Variants in ST18 observed in about 807,000 individuals in gnomAD.
ST18 encodes the protein ST18 C2H2C-type zinc finger transcription factor.
A neutral mutation model predicts 110.0 loss-of-function variants in ST18; 50 were observed. The observed-to-expected ratio is 0.45, with a 90% CI of 0.36 to 0.58. The LOEUF (loss-of-function observed/expected upper bound fraction) is 0.58. Ranked by LOEUF, ST18 falls within the 20% of genes least tolerant of loss-of-function variation. The pLI is 0.00. For missense variants in ST18, 1,306 were observed against 1,280.1 expected, an observed-to-expected ratio of 1.02 and a Z score of -0.31; for synonymous variants, 461 against 452.4, an observed-to-expected ratio of 1.02 and a Z score of -0.24.
At chr8:52,344,248 C>G (rs1009955641) in intron 2 of ST18, among the ~76,000 whole-genome samples, 1 of 6,032 alleles carries the variant, frequency 1.7e-4, no homozygotes, top group Non-Finnish European at 1.2e-3. Context: ...ATAAAAGAAG[C>G]CTTATTTTTT....
At chr8:52,403,625 A>G (rs1012949386) in intron 2 of ST18, 1 of 152,036 alleles carries the variant, frequency 6.6e-6, no homozygotes, top group African/African-American at 2.4e-5. Flanking sequence ...GCCCATACTT[A>G]GTGTTTGTGC....
intron 2 of ST18, among the ~76,000 whole-genome samples, chr8:52,267,035 G>A (rs1403413518): frequency 6.6e-6 from 1 of 152,106 alleles, no homozygotes; most frequent in African/African-American, 2.4e-5. Flanking sequence ...GCCCTGAAGG[G>A]GTGTAATGAT....
At chr8:52,166,710 A>G in intron 11 of ST18, 142 bp downstream of exon 11, 1 of 1,156,464 alleles carries the variant, frequency 8.6e-7, no homozygotes. Context: ...ATATTTTAAA[A>G]CCCACAGCTA....
At chr8:52,251,803 C>T (rs1207636658) in intron 2 of ST18, among the ~76,000 whole-genome samples, 2 of 152,032 alleles carry the variant, frequency 1.3e-5, no homozygotes, top group African/African-American at 2.4e-5. Flanking sequence ...GAATTCAATC[C>T]ATAAAACTCA....
intron 2 of ST18, among the ~76,000 whole-genome samples, chr8:52,304,220 A>C (rs888634255): frequency 6.6e-6 from 1 of 152,230 alleles, no homozygotes; most frequent in African/African-American, 2.4e-5. Context: ...TGTATGTTTA[A>C]AATAAAGTTA....
At chr8:52,150,005 A>AT in intron 15 of ST18, 28 bp from the exon 16 acceptor site, 1 of 1,596,942 alleles carries the variant, frequency 6.3e-7, no homozygotes, top group Non-Finnish European at 8.5e-7. Flanking sequence ...ACAGAAAAAC[A>AT]TTTAAGCAGT....
chr8:52,338,354 G>C (rs1488200328), intron 2 of ST18, among the ~76,000 whole-genome samples: 2 of 151,932 alleles, frequency 1.3e-5, no homozygotes, highest in South Asian at 4.2e-4. Flanking sequence ...CACCGTGCCC[G>C]GCCAGACATC....
At chr8:52,217,505 A>G (rs1385839375) in intron 6 of ST18, among the ~76,000 whole-genome samples, 2 of 152,180 alleles carry the variant, frequency 1.3e-5, no homozygotes, top group Non-Finnish European at 2.9e-5. Flanking sequence ...AAAAACTTCG[A>G]AAAGGGCTTA....
intron 2 of ST18, among the ~76,000 whole-genome samples, chr8:52,235,736 G>C (rs2092550687): frequency 6.6e-6 from 1 of 152,172 alleles, no homozygotes; most frequent in African/African-American, 2.4e-5. Context: ...CTCATAAGTT[G>C]AGATTAGTTT....
rs116608112 is a variant in ST18 at position 52,215,919 on chromosome 8, A to G, written c.1-1662T>C. Among the ~76,000 whole-genome samples, 846 of 152,348 alleles carry G rather than the reference A, an allele frequency of 5.6e-3. 7 individuals are homozygous for G. The highest frequency in any genetic ancestry group is 0.018 in the African/African-American group (752 of 41,584). On this transcript the variant is annotated intron_variant, in intron 6 of 25. Coordinates refer to ENST00000689386, the MANE Select transcript of ST18 (RefSeq NM_001352837.2). ...GTGCTAAATGAATAACTAGATTATG[A>G]GAGATCAGTAGCATGTGAGGGTGAA...
intron 9 of ST18, among the ~76,000 whole-genome samples, chr8:52,174,989 TG>T (rs75991167): frequency 0.024 from 3,650 of 152,300 alleles, 126 homozygotes; most frequent in South Asian, 0.13. Flanking sequence ...TCTGGGGGCC[TG>T]GTGGTTTATT....
chr8:52,143,349 G>C (rs1176272526), intron 16 of ST18, among the ~76,000 whole-genome samples: 1 of 152,158 alleles, frequency 6.6e-6, no homozygotes, highest in Non-Finnish European at 1.5e-5. Context: ...GCTGGACGCT[G>C]TGGTGCGTGC....
At chr8:52,139,838 C>A (rs2054204289) in intron 17 of ST18, among the ~76,000 whole-genome samples, 1 of 152,094 alleles carries the variant, frequency 6.6e-6, no homozygotes. Flanking sequence ...GAACTGGAGA[C>A]AACATTATAC....
At chr8:52,302,002 G>A (rs1341015723) in intron 2 of ST18, 1 of 152,330 alleles carries the variant, frequency 6.6e-6, no homozygotes, top group Non-Finnish European at 1.5e-5. Context: ...GTCAGAGCCA[G>A]AGCAGAGTGA....
intron 2 of ST18, chr8:52,404,766 G>T (rs1401709166): frequency 6.6e-6 from 1 of 152,122 alleles, no homozygotes; most frequent in Non-Finnish European, 1.5e-5. Context: ...TTTAGAAAAA[G>T]AAAACCTCCA....
At chr8:52,380,340 T>C (rs1834025035) in intron 2 of ST18, among the ~76,000 whole-genome samples, 1 of 152,240 alleles carries the variant, frequency 6.6e-6, no homozygotes, top group Admixed American at 6.5e-5. Context: ...GAATACAGTA[T>C]ATAATGCACA....
At chr8:52,298,264 C>G (rs770372183) in intron 2 of ST18, among the ~76,000 whole-genome samples, 9 of 152,128 alleles carry the variant, frequency 5.9e-5, no homozygotes, top group Non-Finnish European at 1.5e-5. Context: ...AATCTGTGTG[C>G]GCAGGAAGAG....
At chr8:52,352,095 A>G (rs1157125998) in intron 2 of ST18, among the ~76,000 whole-genome samples, 1 of 152,196 alleles carries the variant, frequency 6.6e-6, no homozygotes, top group East Asian at 1.9e-4. Flanking sequence ...CCAGAAATGC[A>G]AAGTGTAGTC....
intron 2 of ST18, among the ~76,000 whole-genome samples, chr8:52,360,242 T>C (rs1032425334): frequency 6.6e-6 from 1 of 152,078 alleles, no homozygotes; most frequent in African/African-American, 2.4e-5. Flanking sequence ...TTTCAGAGAA[T>C]TGGCATGAAA....
Sources: allele counts gnomAD v4.1 joint callset (sites outside exome capture counted in the v4.1 genomes callset), GRCh38; gene constraint gnomAD v4.1.1; transcripts MANE v1.5; gene names NCBI Gene and HGNC (gene_info 2026-07-23, HGNC 2026-07-21).